The following MRPS14 variants were observed in gnomAD, a reference collection of about 807,000 sequenced individuals.
MRPS14 encodes mitochondrial ribosomal protein S14.
Under a neutral mutation model 16.4 loss-of-function variants are expected in MRPS14, and 14 were observed. That is an observed-to-expected ratio of 0.85 (90% CI 0.56 to 1.33). MRPS14 has a LOEUF of 1.33. Ranked by LOEUF, MRPS14 falls within the 40% of genes most tolerant of loss-of-function variation. The probability of loss-of-function intolerance (pLI) is 0.00; values close to 1 mark genes in which losing one functional copy is unlikely to be tolerated. For missense variants in MRPS14, 162 were observed against 176.8 expected (o/e 0.92, Z 0.48); for synonymous variants, 54 against 61.9 (o/e 0.87, Z 0.60).
chr1:175,023,065 T>C (rs1328923351), intron 1 of MRPS14, among the ~76,000 whole-genome samples: 1 of 152,202 alleles, frequency 6.6e-6, no homozygotes, highest in Non-Finnish European at 1.5e-5. Context: ...TCTCATCTCT[T>C]AACGTTACAA....
intron 1 of MRPS14, 110 bp downstream of exon 1, chr1:175,023,254 C>G (rs1482176461): frequency 1.9e-6 from 3 of 1,559,760 alleles, no homozygotes; most frequent in African/African-American, 2.7e-5. Context: ...GAAGGAGAAC[C>G]CCTGGACTGG....
intron 2 of MRPS14, among the ~76,000 whole-genome samples, chr1:175,016,642 C>A (rs1348437079): frequency 6.7e-6 from 1 of 148,466 alleles, no homozygotes; most frequent in Non-Finnish European, 1.5e-5. Context: ...AAACAACACA[C>A]CCCCAGCTGT....
At position 175,018,418 on chromosome 1, in the gene MRPS14, C is replaced by G; in HGVS notation, c.204G>C (p.Gln68His). ...RKNTILPKIL[Q>H]DVADEEIAAL... ...AAGGGACTCATCTTAATTAGCTAAC[C>G]TGAAGAATTTTTGGCAAAATGGTAT... The change falls in exon 2 of 3, where the codon CAG becomes CAC. Residue 68 changes from glutamine (Q) to histidine (H), a missense_variant and splice_region_variant. By Grantham distance (24) the Gln-to-His change is conservative (BLOSUM62 0). Coordinates refer to ENST00000476371, the MANE Select transcript of MRPS14 (RefSeq NM_022100.3). 1 of 1,594,036 alleles carries G rather than the reference C, an allele frequency of 6.3e-7. No individual in the cohort carries two copies. Among genetic ancestry groups the G allele is most frequent in the Non-Finnish European group, 8.5e-7 (1 of 1,172,320 alleles).
Position 175,014,549 on chromosome 1 carries a change from A to G in MRPS14, c.*120T>C, listed in dbSNP as rs1417535035. ...AAGTAGTTTAGAGATAGCATCAGGT[A>G]GGCCAAACAACTGTACTGGGCCCCT... is the stretch of plus-strand genomic sequence containing the variant. On this transcript the variant is annotated 3_prime_UTR_variant, in exon 3 of 3. Coordinates refer to ENST00000476371, the MANE Select transcript of MRPS14 (RefSeq NM_022100.3). The G allele has an allele frequency of 1.2e-5, 11 of 914,946 alleles. No homozygotes were observed. The East Asian group carries it at 2.7e-4, about 22-fold the overall frequency. The allele number at this position is 914,946 out of a possible 1,614,324, so 56.7% of individuals were successfully genotyped here.
rs1672848845 is a variant in MRPS14, at chr1:175,014,769, C to T, written c.287G>A (p.Arg96His). ...CCAGCGCCGCTTCACACCACGCGGA[C>T]GGGACGTCATAACACACCGATTTCT... ...RIRNRCVMTS[R>H]PRGVKRRWRL... The change falls in exon 3 of 3, where the codon CGT (arginine) becomes CAT (histidine). Residue 96 changes from arginine to histidine, a missense_variant. Arg to His is a conservative substitution (Grantham distance 29). Transcript: ENST00000476371. The T allele has an allele frequency of 8.7e-6, 14 of 1,614,068 alleles. No individual in the cohort carries two copies. Among genetic ancestry groups the T allele is most frequent in the Non-Finnish European group, 1.1e-5 (13 of 1,180,010 alleles).
chr1:175,015,328 C>T (rs759056259), intron 2 of MRPS14, among the ~76,000 whole-genome samples: 2 of 152,040 alleles, frequency 1.3e-5, no homozygotes, highest in Non-Finnish European at 2.9e-5. Context: ...ACGATTTGGG[C>T]GAATATAAAT....
intron 1 of MRPS14, among the ~76,000 whole-genome samples, chr1:175,018,973 C>T (rs1313141498): frequency 6.6e-6 from 1 of 152,162 alleles, no homozygotes; most frequent in Non-Finnish European, 1.5e-5. Flanking sequence ...CCTTGCCCCA[C>T]AGGTATCCAC....
Position 175,014,663 on chromosome 1 carries a change from G to A in MRPS14, c.*6C>T. 1 of 1,602,204 alleles carries A rather than the reference G, an allele frequency of 6.2e-7. No homozygotes were observed. The highest frequency in any genetic ancestry group is 1.1e-5 in the South Asian group (1 of 90,288). Reference sequence around the variant, plus strand: ...CCCTGCAAGCTCAATAGGTTCTGGAGCTCATTTACCATGTCGCTCGCTGGA... The same window carrying A: ...CCCTGCAAGCTCAATAGGTTCTGGAACTCATTTACCATGTCGCTCGCTGGA... On this transcript the variant is annotated 3_prime_UTR_variant, in exon 3 of 3. Coordinates refer to ENST00000476371, the MANE Select transcript of MRPS14 (RefSeq NM_022100.3).
At chr1:175,018,997 T>A (rs1672932266) in intron 1 of MRPS14, among the ~76,000 whole-genome samples, 1 of 152,184 alleles carries the variant, frequency 6.6e-6, no homozygotes, top group African/African-American at 2.4e-5. Context: ...TTCTAGTTTC[T>A]TGTATATCCT....
chr1:175,021,871 T>C (rs1005863607), intron 1 of MRPS14, among the ~76,000 whole-genome samples: 1 of 152,184 alleles, frequency 6.6e-6, no homozygotes, highest in East Asian at 1.9e-4. Flanking sequence ...AAAGAGCATT[T>C]CTATAAATGC....
At chr1:175,019,677 T>C (rs1028799584) in intron 1 of MRPS14, among the ~76,000 whole-genome samples, 3 of 152,228 alleles carry the variant, frequency 2.0e-5, no homozygotes, top group Non-Finnish European at 4.4e-5. Flanking sequence ...CAGCACTAGT[T>C]GTCCAGTAAT....
chr1:175,013,505 A>G lies in MRPS14; in HGVS notation c.*1164T>C, dbSNP rs140657937. 97 of 152,318 alleles carry G rather than the reference A, an allele frequency of 6.4e-4. 1 individual carries two copies. Among genetic ancestry groups the G allele is most frequent in the African/African-American group, 2.1e-3 (86 of 41,568 alleles). The allele number at this position is 152,318 out of a possible 1,614,324, so 9.4% of individuals were successfully genotyped here. On this transcript the variant is annotated 3_prime_UTR_variant, in exon 3 of 3. Coordinates refer to ENST00000476371, the MANE Select transcript of MRPS14 (RefSeq NM_022100.3). ...AAAAATCTGTCCTCTCTCCTCTACT[A>G]ATACCACAATGTTAGTTCAGGCCTT... is the stretch of plus-strand genomic sequence containing the variant.
chr1:175,021,767 C>G (rs1349165777), intron 1 of MRPS14, among the ~76,000 whole-genome samples: 1 of 152,158 alleles, frequency 6.6e-6, no homozygotes, highest in Non-Finnish European at 1.5e-5. Context: ...CTTACAGGGT[C>G]TTTCTCCCCT....
chr1:175,019,220 GAAT>G (rs1574117840), intron 1 of MRPS14, among the ~76,000 whole-genome samples: 3 of 152,108 alleles, frequency 2.0e-5, no homozygotes, highest in Non-Finnish European at 1.5e-5. Flanking sequence ...ATGCTGCAGT[GAAT>G]AATGTCTTGG....
Position 175,014,564 on chromosome 1 carries a change from ACTGGGCCC to A in MRPS14, c.*97_*104del. 1 of 1,169,666 alleles carries A rather than the reference ACTGGGCCC, an allele frequency of 8.5e-7. No individual in the cohort carries two copies. The highest frequency in any genetic ancestry group is 1.2e-6 in the Non-Finnish European group (1 of 842,188). The allele number at this position is 1,169,666 out of a possible 1,614,324, so 72.5% of individuals were successfully genotyped here. A position where few individuals can be genotyped will look rare whatever the true frequency, so the allele number is the denominator to read the frequency against. On this transcript the variant is annotated 3_prime_UTR_variant, in exon 3 of 3. Transcript: ENST00000476371. Reference sequence around the variant, plus strand: ...AGCATCAGGTAGGCCAAACAACTGTACTGGGCCCCTGTAGAGATTAGGGTTTGGTCTAT... The same window carrying A: ...AGCATCAGGTAGGCCAAACAACTGTACTGTAGAGATTAGGGTTTGGTCTAT...
At chr1:175,017,999 C>T (rs150271966) in intron 2 of MRPS14, among the ~76,000 whole-genome samples, 1,876 of 152,158 alleles carry the variant, frequency 0.012, 32 homozygotes, top group African/African-American at 0.043. Flanking sequence ...TGGCATGTGC[C>T]TGTAATCCCA....
chr1:175,019,656 C>A (rs796189787), intron 1 of MRPS14, among the ~76,000 whole-genome samples: 5 of 152,224 alleles, frequency 3.3e-5, no homozygotes, highest in African/African-American at 1.2e-4. Context: ...TATCACTGAC[C>A]TAAGACTTCT....
In MRPS14 at chr1:175,023,417, C is replaced by G; in HGVS notation, c.-9G>C. The G allele has an allele frequency of 6.2e-7, 1 of 1,613,976 alleles. No individual in the cohort carries two copies. The highest frequency in any genetic ancestry group is 8.5e-7 in the Non-Finnish European group (1 of 1,179,942). On this transcript the variant is annotated 5_prime_UTR_variant, in exon 1 of 3. Coordinates refer to ENST00000476371, the MANE Select transcript of MRPS14 (RefSeq NM_022100.3). ...AGCATGAAGGCCGCCATGTTGTCCG[C>G]TACAAACTACAAACCGCTGAAACTT...
intron 1 of MRPS14, 50 bp downstream of exon 1, chr1:175,023,314 T>C (rs1574119611): frequency 6.2e-7 from 1 of 1,604,262 alleles, no homozygotes; most frequent in African/African-American, 1.3e-5. Context: ...CCGTGGGTTA[T>C]GAGATTCAGC....
Sources: allele counts gnomAD v4.1 joint callset (sites outside exome capture counted in the v4.1 genomes callset), GRCh38; gene constraint gnomAD v4.1.1; transcripts MANE v1.5; gene names NCBI Gene and HGNC (gene_info 2026-07-23, HGNC 2026-07-21).